The following BSN variants were observed in gnomAD, a reference collection of about 807,000 sequenced individuals.
The protein encoded by BSN is protein bassoon.
In BSN, 57 loss-of-function variants were observed where a neutral mutation model predicts 264.8. The ratio of observed to expected loss-of-function variants is 0.22; its 90% CI spans 0.17 to 0.27. The LOEUF (loss-of-function observed/expected upper bound fraction) is 0.27. Ranked by LOEUF, BSN falls within the 10% of genes least tolerant of loss-of-function variation. The pLI, the probability that BSN is intolerant of heterozygous loss-of-function variation, is 1.00. For missense variants in BSN, 4,615 were observed against 5,232.5 expected (o/e 0.88, Z 3.64); for synonymous variants, 2,059 against 2,137.3 (o/e 0.96, Z 1.01).
At chr3:49,561,444 G>A (rs1410375195) in intron 1 of BSN, among the ~76,000 whole-genome samples, 1 of 152,146 alleles carries the variant, frequency 6.6e-6, no homozygotes, top group Non-Finnish European at 1.5e-5. Context: ...TAAGGCATTT[G>A]GGTTCTTGGG....
rs766858181 is a variant in BSN at position 49,642,372 on chromosome 3, C to G, written c.738C>G (p.Ala246=). The change falls in exon 3 of 12, where the codon GCC becomes GCG. Residue 246 remains alanine (A), a synonymous_variant. Coordinates refer to ENST00000296452, the MANE Select transcript of BSN (RefSeq NM_003458.4). This position sits in a 1 kb window ranked among gnomAD's most constrained non-coding sequence, Gnocchi z 7.0. The stretch of plus-strand genomic sequence containing the variant: ...GCCAGCAGCAGCTGCACTCCCCAGC[C>G]CTGTCTCCTGCCCACTCCCCGGCCA... ...SKSQQQLHSP[A]LSPAHSPAKQ... 13 of 1,599,974 alleles carry G rather than the reference C, an allele frequency of 8.1e-6. No homozygotes were observed. Among genetic ancestry groups the G allele is most frequent in the Non-Finnish European group, 1.1e-5 (13 of 1,173,166 alleles).
chr3:49,625,160 G>A lies in BSN; in HGVS notation c.410G>A (p.Arg137Lys). ...RTLQVDSRTQ[R>K]SGRSPSVSPD... is the part of the protein sequence containing the mutation. ...CTGCAGGTAGACAGCAGGACACAGA[G>A]ATCAGGGCGGTCCCCCTCAGTGTCA... Residue 137 changes from arginine to lysine, a missense_variant, in exon 2 of 12, where the codon AGA becomes AAA. By Grantham distance (26) the Arg-to-Lys change is conservative. Around this residue, in one of 3 missense-constraint regions of BSN, gnomAD observed 1,197 missense variants for 1,348.0 expected, o/e 0.89. Transcript: ENST00000296452. The surrounding 1 kb of genome is among the most constrained non-coding windows in gnomAD (Gnocchi z 4.4). The A allele has an allele frequency of 1.3e-6, 2 of 1,578,938 alleles. No homozygotes were observed. The highest frequency in any genetic ancestry group is 8.6e-7 in the Non-Finnish European group (1 of 1,160,786).
rs996557575 is a variant in BSN, at chr3:49,579,155, T to A, written c.224+24329T>A. Among the ~76,000 whole-genome samples the A allele has an allele frequency of 3.4e-4, 48 of 139,888 alleles. No individual in the cohort carries two copies. The East Asian group carries it at 3.9e-3, about 11-fold the overall frequency. The allele number at this position is 139,888 out of a possible 152,430, so 91.8% of individuals were successfully genotyped here. ...GGCATGCACCACCATGCCTGGCTAA[T>A]TTTTTTTTTTTTTTTAAGTGACAGA... On this transcript the variant is annotated intron_variant, in intron 1 of 11. Transcript: ENST00000296452.
intron 1 of BSN, among the ~76,000 whole-genome samples, chr3:49,618,342 A>C (rs1575439334): frequency 6.6e-6 from 1 of 152,164 alleles, no homozygotes; most frequent in African/African-American, 2.4e-5. Flanking sequence ...ATTAAAAGGA[A>C]CACTCCTCCC....
At chr3:49,618,039 T>C (rs1258446014) in intron 1 of BSN, among the ~76,000 whole-genome samples, 1 of 152,186 alleles carries the variant, frequency 6.6e-6, no homozygotes, top group Non-Finnish European at 1.5e-5. Flanking sequence ...CTCCTTTCCC[T>C]GACTTCTCTG....
chr3:49,605,669 T>TAAAA (rs1431812349), intron 1 of BSN, among the ~76,000 whole-genome samples: 729 of 49,618 alleles, frequency 0.015, 65 homozygotes, highest in Non-Finnish European at 0.021. Flanking sequence ...ATAATATATA[T>TAAAA]TACATATATG....
rs966014219 is a variant in BSN at position 49,601,360 on chromosome 3, A to G, written c.225-23615A>G. ...CTATAAGGTTGTGCAGGAGTTAAGG[A>G]GGTTCTTGTACTTCTGGGCGTGACA... On this transcript the variant is annotated intron_variant, in intron 1 of 11. Coordinates refer to ENST00000296452, the MANE Select transcript of BSN (RefSeq NM_003458.4). Among the ~76,000 whole-genome samples, 12 of 152,184 alleles carry G rather than the reference A, an allele frequency of 7.9e-5. 1 individual carries two copies. Among genetic ancestry groups the G allele is most frequent in the Admixed American group, 7.9e-4 (12 of 15,270 alleles).
intron 1 of BSN, among the ~76,000 whole-genome samples, chr3:49,607,917 T>TA (rs2052171571): frequency 6.6e-6 from 1 of 152,220 alleles, no homozygotes; most frequent in Non-Finnish European, 1.5e-5. Flanking sequence ...GTTTTGGCCT[T>TA]AGGCCAGGCC....
intron 3 of BSN, among the ~76,000 whole-genome samples, chr3:49,643,585 G>A (rs932962959): frequency 1.3e-5 from 2 of 152,168 alleles, no homozygotes; most frequent in African/African-American, 4.8e-5. Flanking sequence ...CCACATCCAG[G>A]GTGGGGTGGG....
chr3:49,578,608 C>T (rs2051866278), intron 1 of BSN, among the ~76,000 whole-genome samples: 1 of 46,670 alleles, frequency 2.1e-5, no homozygotes, highest in East Asian at 4.2e-3. Context: ...GGGGTTTCAC[C>T]GTGTTAGCCA....
At chr3:49,599,213 G>A (rs2052051351) in intron 1 of BSN, among the ~76,000 whole-genome samples, 1 of 152,158 alleles carries the variant, frequency 6.6e-6, no homozygotes, top group Admixed American at 6.5e-5. Flanking sequence ...GCCGTTTGTT[G>A]CTTGGGGAAT....
At chr3:49,606,460 A>C (rs867468209) in intron 1 of BSN, among the ~76,000 whole-genome samples, 4 of 149,374 alleles carry the variant, frequency 2.7e-5, no homozygotes, top group Middle Eastern at 3.4e-3. Context: ...AATGAATTGG[A>C]CTTACCTATT....
chr3:49,584,239 T>G (rs887347807), intron 1 of BSN, among the ~76,000 whole-genome samples: 2 of 151,832 alleles, frequency 1.3e-5, no homozygotes, highest in African/African-American at 4.8e-5. Flanking sequence ...TATTTCTGAT[T>G]TTAGTCATTT....
chr3:49,648,918 G>A (rs994469035), intron 3 of BSN, among the ~76,000 whole-genome samples: 7 of 152,350 alleles, frequency 4.6e-5, no homozygotes, highest in Admixed American at 1.3e-4. Flanking sequence ...GTTGGGCCTC[G>A]GGGAAGAGCA....
intron 1 of BSN, among the ~76,000 whole-genome samples, chr3:49,578,471 G>A (rs904758691): frequency 1.4e-4 from 21 of 151,372 alleles, no homozygotes; most frequent in African/African-American, 4.4e-4. Flanking sequence ...GCAGTGGTGC[G>A]ATCTCAGCTC....
At chr3:49,596,761 A>G (rs2052026620) in intron 1 of BSN, among the ~76,000 whole-genome samples, 1 of 152,144 alleles carries the variant, frequency 6.6e-6, no homozygotes, top group African/African-American at 2.4e-5. Context: ...CCCAACATCA[A>G]GTGATCATGC....
intron 1 of BSN, among the ~76,000 whole-genome samples, chr3:49,608,845 A>AT (rs1460911998): frequency 2.0e-5 from 3 of 151,842 alleles, no homozygotes; most frequent in Non-Finnish European, 4.4e-5. Flanking sequence ...AAAAAAAAAA[A>AT]GAATTGCATT....
intron 2 of BSN, chr3:49,640,900 A>G (rs1463170215): frequency 1.3e-5 from 2 of 152,278 alleles, no homozygotes; most frequent in Admixed American, 6.5e-5. Context: ...GGGCAGAGGG[A>G]ATAAGGAGTA....
rs1261349154 is a variant in BSN at position 49,669,145 on chromosome 3, T to C, written c.*1660T>C. 1 of 152,648 alleles carries C rather than the reference T, an allele frequency of 6.6e-6. No individual in the cohort carries two copies. The highest frequency in any genetic ancestry group is 2.4e-5 in the African/African-American group (1 of 41,458). The allele number at this position is 152,648 out of a possible 1,614,324, so 9.5% of individuals were successfully genotyped here. A position where few individuals can be genotyped will look rare whatever the true frequency, so the allele number is the denominator to read the frequency against. ...CATTTTAAATGCTTGACCCTCTTGCTTGGAGTTCTTTTTGCCTCAGAACCT... is the reference window on the plus strand; with the variant it reads ...CATTTTAAATGCTTGACCCTCTTGCCTGGAGTTCTTTTTGCCTCAGAACCT... On this transcript the variant is annotated 3_prime_UTR_variant, in exon 12 of 12. Coordinates refer to ENST00000296452, the MANE Select transcript of BSN (RefSeq NM_003458.4).
Sources: gnomAD v4.1 joint callset for allele counts (sites outside exome capture counted in the v4.1 genomes callset) on GRCh38, gnomAD v4.1.1 for gene constraint, gnomAD v4.1.1 regional missense constraint, Gnocchi (gnomAD v3.1) non-coding constraint, MANE v1.5 for transcripts, NCBI Gene and HGNC (gene_info 2026-07-23, HGNC 2026-07-21) for gene names.